ROR2: variants seen among roughly 807,000 people sequenced by gnomAD.
ROR2 encodes tyrosine-protein kinase transmembrane receptor ROR2.
ROR2 carries 33 observed loss-of-function variants against 74.9 expected under a neutral mutation model. That is an observed-to-expected ratio of 0.44 (90% CI 0.33 to 0.59). The LOEUF (loss-of-function observed/expected upper bound fraction) is 0.59. ROR2 is among the 20% of genes least tolerant of loss of function. The pLI is 0.02. For missense variants in ROR2, 1,216 were observed against 1,313.8 expected, an observed-to-expected ratio of 0.93 and a Z score of 1.15; for synonymous variants, 586 against 558.7, an observed-to-expected ratio of 1.05 and a Z score of -0.69.
chr9:91,875,975 C>A (rs1270496681), intron 1 of ROR2, among the ~76,000 whole-genome samples: 3 of 151,952 alleles, frequency 2.0e-5, no homozygotes, highest in African/African-American at 4.8e-5. Context: ...AAATGGCCAA[C>A]TGCTATCTCA....
intron 1 of ROR2, among the ~76,000 whole-genome samples, chr9:91,849,108 C>A (rs10992130): frequency 0.25 from 38,423 of 152,008 alleles, 5,264 homozygotes; most frequent in Admixed American, 0.42. Context: ...GGAAGTGACT[C>A]TAGGGCTTGC....
At chr9:91,908,384 A>G (rs550723600) in intron 1 of ROR2, among the ~76,000 whole-genome samples, 10 of 152,352 alleles carry the variant, frequency 6.6e-5, no homozygotes, top group Admixed American at 6.5e-4. Flanking sequence ...TGTAATAGTA[A>G]AAACATAACG....
chr9:91,768,640 C>A (rs1272071918), intron 2 of ROR2, among the ~76,000 whole-genome samples: 1 of 152,152 alleles, frequency 6.6e-6, no homozygotes, highest in Non-Finnish European at 1.5e-5. Flanking sequence ...GAACGCTACC[C>A]CTGGGAGAAA....
intron 1 of ROR2, among the ~76,000 whole-genome samples, chr9:91,825,378 G>A (rs967912928): frequency 1.4e-4 from 22 of 152,186 alleles, no homozygotes; most frequent in African/African-American, 4.6e-4. Flanking sequence ...TGGGGCACCC[G>A]GTGGGCTCCA....
chr9:91,819,982 G>A (rs1466980607), intron 1 of ROR2, among the ~76,000 whole-genome samples: 1 of 152,038 alleles, frequency 6.6e-6, no homozygotes, highest in Non-Finnish European at 1.5e-5. Context: ...GTCTGTACCT[G>A]TGTGTCTGTA....
At chr9:91,906,671 G>C (rs1830827036) in intron 1 of ROR2, among the ~76,000 whole-genome samples, 1 of 152,122 alleles carries the variant, frequency 6.6e-6, no homozygotes, top group Admixed American at 6.5e-5. Flanking sequence ...TTATTAAGGG[G>C]ATTTCATCTA....
chr9:91,855,619 T>C (rs1023984687), intron 1 of ROR2, among the ~76,000 whole-genome samples: 1 of 152,044 alleles, frequency 6.6e-6, no homozygotes, highest in African/African-American at 2.4e-5. Flanking sequence ...AGCCTGCCTT[T>C]GCTGGAGGAA....
chr9:91,908,435 C>A (rs539993498), intron 1 of ROR2, among the ~76,000 whole-genome samples: 20 of 152,208 alleles, frequency 1.3e-4, no homozygotes, highest in Non-Finnish European at 2.6e-4. Context: ...TATCAGTTAT[C>A]TTAACAAACA....
intron 1 of ROR2, among the ~76,000 whole-genome samples, chr9:91,823,495 A>AT (rs111637351): frequency 0.032 from 4,716 of 146,646 alleles, 286 homozygotes; most frequent in African/African-American, 0.11. Flanking sequence ...ACGCCAGCTG[A>AT]TTTTTTTTTT....
chr9:91,946,363 G>A (rs1450039309), intron 1 of ROR2, among the ~76,000 whole-genome samples: 1 of 152,192 alleles, frequency 6.6e-6, no homozygotes, highest in Admixed American at 6.5e-5. Context: ...AGCCCGCCCC[G>A]AGGAGCCCCC....
At position 91,922,437 on chromosome 9, in the gene ROR2, T is replaced by C. The variant is rs1035935921; in HGVS notation, c.97+27430A>G. Reference sequence around the variant, plus strand: ...AGTTTGATGTCCATACTGAATGTTGTTCTACTTAAATAATTTTTTTATTTT... The same window carrying C: ...AGTTTGATGTCCATACTGAATGTTGCTCTACTTAAATAATTTTTTTATTTT... On this transcript the variant is annotated intron_variant, in intron 1 of 8. Coordinates refer to ENST00000375708, the MANE Select transcript of ROR2 (RefSeq NM_004560.4). 2.0e-5 allele frequency among the ~76,000 whole-genome samples: 3 copies of C among 152,040 alleles called. No individual in the cohort carries two copies. The South Asian group carries it at 6.2e-4, about 32-fold the overall frequency.
intron 1 of ROR2, among the ~76,000 whole-genome samples, chr9:91,924,861 T>G (rs748918032): frequency 6.6e-6 from 1 of 152,154 alleles, no homozygotes; most frequent in Non-Finnish European, 1.5e-5. Context: ...GTGTGTTTGT[T>G]TGAGACAGGG....
chr9:91,943,835 G>C (rs142051183), intron 1 of ROR2, among the ~76,000 whole-genome samples: 63 of 152,192 alleles, frequency 4.1e-4, no homozygotes, highest in Middle Eastern at 3.4e-3. Context: ...TAGAATGTTA[G>C]CATGTTCTAA....
At chr9:91,923,617 A>C (rs1831327229) in intron 1 of ROR2, 1 of 152,250 alleles carries the variant, frequency 6.6e-6, no homozygotes, top group Non-Finnish European at 1.5e-5. Context: ...CCATAACAGG[A>C]CCACAAATAT....
intron 1 of ROR2, among the ~76,000 whole-genome samples, chr9:91,893,187 G>A (rs906726083): frequency 1.3e-5 from 2 of 151,996 alleles, no homozygotes; most frequent in East Asian, 1.9e-4. Flanking sequence ...CACCCCTGCC[G>A]ACTTGGCCAG....
chr9:91,832,637 C>T (rs1321206127), intron 1 of ROR2, among the ~76,000 whole-genome samples: 1 of 152,202 alleles, frequency 6.6e-6, no homozygotes, highest in Non-Finnish European at 1.5e-5. Flanking sequence ...ACAGTAGCCT[C>T]AGCGGTGCCC....
intron 1 of ROR2, among the ~76,000 whole-genome samples, chr9:91,846,910 T>C (rs1443602744): frequency 6.6e-6 from 1 of 152,194 alleles, no homozygotes; most frequent in Non-Finnish European, 1.5e-5. Context: ...CCAGAAATTA[T>C]CTGTCAAAGC....
chr9:91,745,719 GC>G (rs1825390610), intron 4 of ROR2, among the ~76,000 whole-genome samples: 1 of 152,056 alleles, frequency 6.6e-6, no homozygotes, highest in Admixed American at 6.6e-5. Flanking sequence ...GAGCCACCGC[GC>G]CCAGCCTATA....
rs35146225 is a variant in ROR2 at position 91,735,606 on chromosome 9, C to CTTTTTTTTTTTTT, written c.622+1772_622+1784dup. 5.4e-4 allele frequency among the ~76,000 whole-genome samples: 43 copies of CTTTTTTTTTTTTT among 79,006 alleles called. 1 individual carries two copies. The highest frequency in any genetic ancestry group is 6.7e-4 in the Non-Finnish European group (28 of 41,740). 51.8% of individuals were successfully genotyped at this position (79,006 alleles called of 152,430 possible). A position where few individuals can be genotyped will look rare whatever the true frequency, so the allele number is the denominator to read the frequency against. On this transcript the variant is annotated intron_variant, in intron 5 of 8. Transcript: ENST00000375708. ...GCACGGTTCCTACTAAGGGCTCTAA[C>CTTTTTTTTTTTTT]TTTTTTTTTTTTTTTTTTTTTTTTT...
Sources: allele counts gnomAD v4.1 joint callset (sites outside exome capture counted in the v4.1 genomes callset), GRCh38; gene constraint gnomAD v4.1.1; transcripts MANE v1.5; gene names NCBI Gene and HGNC (gene_info 2026-07-23, HGNC 2026-07-21).